Variants in CRTAC1 observed in about 807,000 individuals in gnomAD.
The protein encoded by CRTAC1 is acidic secreted protein in cartilage.
In CRTAC1, 37 loss-of-function variants were observed where a neutral mutation model predicts 67.8. That is an observed-to-expected ratio of 0.55 (90% CI 0.42 to 0.72). The LOEUF (loss-of-function observed/expected upper bound fraction) is 0.72. Ranked by LOEUF, CRTAC1 falls within the 30% of genes least tolerant of loss-of-function variation. The pLI is 0.00. For missense variants in CRTAC1, 780 were observed against 931.6 expected (o/e 0.84, Z 2.12); for synonymous variants, 348 against 371.0 (o/e 0.94, Z 0.71).
intron 2 of CRTAC1, among the ~76,000 whole-genome samples, chr10:97,985,654 T>C (rs1013990020): frequency 2.0e-5 from 3 of 152,180 alleles, no homozygotes; most frequent in Non-Finnish European, 4.4e-5. Context: ...CACTTGCCTC[T>C]GCAAAGTGCC....
At chr10:97,882,700 C>A (rs2050231781) in intron 13 of CRTAC1, 86 bp downstream of exon 13, 1 of 1,466,040 alleles carries the variant, frequency 6.8e-7, no homozygotes, top group Admixed American at 1.7e-5. Context: ...CTTGCTTGCA[C>A]CCTGGACCTT....
At chr10:97,979,943 C>T (rs933512986) in intron 2 of CRTAC1, among the ~76,000 whole-genome samples, 3 of 152,180 alleles carry the variant, frequency 2.0e-5, no homozygotes, top group African/African-American at 7.2e-5. Context: ...CCCCAGATCG[C>T]TCAGTCAGAG....
chr10:98,000,021 C>T (rs548237396), intron 2 of CRTAC1, among the ~76,000 whole-genome samples: 1 of 152,298 alleles, frequency 6.6e-6, no homozygotes, highest in South Asian at 2.1e-4. Context: ...GAACACTCGA[C>T]AGGACACCCT....
At chr10:97,947,834 C>T (rs1489128065) in intron 2 of CRTAC1, among the ~76,000 whole-genome samples, 1 of 152,016 alleles carries the variant, frequency 6.6e-6, no homozygotes, top group Non-Finnish European at 1.5e-5. Context: ...GGGAGGATCG[C>T]TTGAGACTAG....
At chr10:97,970,126 A>G (rs2051684342) in intron 2 of CRTAC1, among the ~76,000 whole-genome samples, 2 of 151,910 alleles carry the variant, frequency 1.3e-5, no homozygotes, top group South Asian at 4.2e-4. Context: ...GTCTAACTGG[A>G]TTCCTCTCCC....
At chr10:97,907,492 C>T (rs2050629633) in intron 6 of CRTAC1, among the ~76,000 whole-genome samples, 1 of 152,136 alleles carries the variant, frequency 6.6e-6, no homozygotes, top group Non-Finnish European at 1.5e-5. Context: ...TATCCTGCTT[C>T]TTATTACAGC....
chr10:97,921,033 G>A (rs2050829444), intron 4 of CRTAC1, among the ~76,000 whole-genome samples: 1 of 152,160 alleles, frequency 6.6e-6, no homozygotes, highest in African/African-American at 2.4e-5. Flanking sequence ...ACATGGCAGA[G>A]TGGGGGCGGG....
chr10:97,917,703 TC>T, intron 4 of CRTAC1, 47 bp from the exon 5 acceptor site: 1 of 1,448,680 alleles, frequency 6.9e-7, no homozygotes, highest in Non-Finnish European at 9.2e-7. Flanking sequence ...CCTTGGCTCA[TC>T]CCAGAAACCG....
rs1347101914 is a variant in CRTAC1 at position 98,030,579 on chromosome 10, G to A, written c.-107C>T. Reference sequence around the variant, plus strand: ...TTGCTCCCAGCCCCGGTCCCGGGCTGGCCTCGAGCCTCCCGCCCCGACGCC... The same window carrying A: ...TTGCTCCCAGCCCCGGTCCCGGGCTAGCCTCGAGCCTCCCGCCCCGACGCC... On this transcript the variant is annotated 5_prime_UTR_variant, in exon 1 of 15. Transcript: ENST00000370597. The surrounding 1 kb of genome is among the most constrained non-coding windows in gnomAD (Gnocchi z 4.2). 5 of 766,098 alleles carry A rather than the reference G, an allele frequency of 6.5e-6. No homozygotes were observed. The highest frequency in any genetic ancestry group is 8.9e-6 in the Non-Finnish European group (5 of 561,210). The allele number at this position is 766,098 out of a possible 1,614,324, so 47.5% of individuals were successfully genotyped here.
At chr10:97,886,158 G>C (rs537932040) in intron 11 of CRTAC1, among the ~76,000 whole-genome samples, 3 of 152,304 alleles carry the variant, frequency 2.0e-5, no homozygotes, top group East Asian at 1.9e-4. Context: ...CCGGGTGCTG[G>C]GGGGAGGACC....
chr10:97,924,766 C>A (rs531703815), intron 3 of CRTAC1, among the ~76,000 whole-genome samples: 51 of 152,336 alleles, frequency 3.3e-4, no homozygotes, highest in Non-Finnish European at 5.3e-4. Flanking sequence ...TATAGATGAA[C>A]TACTTTCCAA....
At chr10:97,873,482 G>T (rs527892612) in intron 14 of CRTAC1, among the ~76,000 whole-genome samples, 1 of 152,282 alleles carries the variant, frequency 6.6e-6, no homozygotes, top group South Asian at 2.1e-4. Context: ...TGTATGTTTG[G>T]CTCACTTTCC....
rs140424345 is a variant in CRTAC1 at position 97,923,365 on chromosome 10, G to A, written c.457C>T (p.Arg153Cys). 5,606 of 1,614,136 alleles carry A rather than the reference G, an allele frequency of 3.5e-3. 16 individuals are homozygous for A. Among genetic ancestry groups the A allele is most frequent in the Non-Finnish European group, 4.3e-3 (5,059 of 1,180,022 alleles). ...AGGATGTCTTCCCACCGGTTATTGCGGAACTTGAACAACTTGTCGGTGTAC... is the reference window on the plus strand; with the variant it reads ...AGGATGTCTTCCCACCGGTTATTGCAGAACTTGAACAACTTGTCGGTGTAC... ...ATYTDKLFKF[R>C]NNRWEDILSD... Residue 153 changes from arginine to cysteine, a missense_variant, in exon 4 of 15, where the codon CGC becomes TGC. Arg to Cys is a radical substitution (Grantham distance 180, BLOSUM62 -3). Coordinates refer to ENST00000370597, the MANE Select transcript of CRTAC1 (RefSeq NM_018058.7).
intron 11 of CRTAC1, among the ~76,000 whole-genome samples, chr10:97,887,227 G>GTGTTTT (rs1390066872): frequency 7.8e-6 from 1 of 127,960 alleles, no homozygotes; most frequent in African/African-American, 3.1e-5. Context: ...CGGCACTTAG[G>GTGTTTT]TTTTTTTTTT....
At position 97,880,309 on chromosome 10, in the gene CRTAC1, G is replaced by A. The variant is rs376761919; in HGVS notation, c.1759C>T (p.Arg587Trp). 1.2e-5 allele frequency: 20 copies of A among 1,614,078 alleles called. No homozygotes were observed. In the East Asian group the frequency reaches 1.8e-4, roughly 14 times the overall value. Residue 587 changes from arginine to tryptophan, a missense_variant, in exon 14 of 15, where the codon CGG becomes TGG. Arg to Trp is a moderately radical substitution (Grantham distance 101). Transcript: ENST00000370597. ...CCCCGACTGCACTTCTTGTTGGTCC[G>A]GCACCTGTAGCTTCCATAGGTGTTG... ...CVNTYGSYRC[R>W]TNKKCSRGYE...
intron 11 of CRTAC1, among the ~76,000 whole-genome samples, chr10:97,893,095 A>G (rs2050400482): frequency 1.3e-5 from 2 of 152,196 alleles, no homozygotes; most frequent in Non-Finnish European, 2.9e-5. Flanking sequence ...CATGTGTAAC[A>G]TGGGGATAAT....
chr10:98,022,713 G>A (rs1843149111), intron 1 of CRTAC1, among the ~76,000 whole-genome samples: 1 of 152,150 alleles, frequency 6.6e-6, no homozygotes, highest in Non-Finnish European at 1.5e-5. Flanking sequence ...GCCACGGTAA[G>A]GAGCCTGGAG....
intron 11 of CRTAC1, among the ~76,000 whole-genome samples, chr10:97,891,452 C>A (rs2050372634): frequency 6.6e-6 from 1 of 152,264 alleles, no homozygotes; most frequent in Non-Finnish European, 1.5e-5. Flanking sequence ...GTCCCACTTC[C>A]TCTGGGAAGC....
chr10:97,879,823 G>A (rs1180273569), intron 14 of CRTAC1: 8 of 1,178,716 alleles, frequency 6.8e-6, no homozygotes, highest in Admixed American at 2.5e-5. Context: ...ATGCGGCGGG[G>A]AGACAGAAAA....
Sources: gnomAD v4.1 joint callset for allele counts (sites outside exome capture counted in the v4.1 genomes callset) on GRCh38, gnomAD v4.1.1 for gene constraint, Gnocchi (gnomAD v3.1) non-coding constraint, MANE v1.5 for transcripts, NCBI Gene and HGNC (gene_info 2026-07-23, HGNC 2026-07-21) for gene names.